Variants in LCK observed in about 807,000 individuals in gnomAD.
LCK encodes the protein LCK proto-oncogene, Src family tyrosine kinase.
Under a neutral mutation model 64.6 loss-of-function variants are expected in LCK, and 14 were observed. The ratio of observed to expected loss-of-function variants is 0.22; its 90% CI spans 0.14 to 0.34. LCK has a LOEUF of 0.34. LCK is among the 10% of genes least tolerant of loss of function. The probability of loss-of-function intolerance (pLI) is 1.00; values close to 1 mark genes in which losing one functional copy is unlikely to be tolerated. For synonymous variants in LCK, 277 were observed against 263.6 expected (o/e 1.05, Z -0.49); for missense variants, 434 against 668.1 (o/e 0.65, Z 3.86).
At chr1:32,269,049 C>T (rs1249138631) in intron 1 of LCK, among the ~76,000 whole-genome samples, 15 of 147,490 alleles carry the variant, frequency 1.0e-4, no homozygotes, top group Admixed American at 4.2e-4. Context: ...GGAGGAGAGA[C>T]AGAGCTTGCA....
intron 1 of LCK, among the ~76,000 whole-genome samples, chr1:32,272,981 TG>T (rs1557581807): frequency 1.5e-5 from 2 of 137,006 alleles, no homozygotes; most frequent in East Asian, 2.3e-4. Flanking sequence ...TGCGTGTGTG[TG>T]GGGGTGAATG....
intron 12 of LCK, among the ~76,000 whole-genome samples, chr1:32,284,213 C>T (rs1391849566): frequency 3.3e-5 from 5 of 149,874 alleles, no homozygotes; most frequent in African/African-American, 7.4e-5. Flanking sequence ...ATCTCCGATC[C>T]AGACTTTCTG....
At chr1:32,257,288 G>A (rs559307027) in intron 1 of LCK, among the ~76,000 whole-genome samples, 2 of 148,310 alleles carry the variant, frequency 1.3e-5, no homozygotes, top group Admixed American at 6.8e-5. Flanking sequence ...TTGCTCTGTC[G>A]CCTAGGCTGG....
chr1:32,276,085 C>T lies in LCK; in HGVS notation c.631+22C>T, dbSNP rs1640259135. On this transcript the variant is annotated intron_variant, in intron 7 of 12. Coordinates refer to ENST00000336890, the MANE Select transcript of LCK (RefSeq NM_005356.5). This position sits in a 1 kb window ranked among gnomAD's most constrained non-coding sequence, Gnocchi z 4.6. ...ACCAGTGAGCCCGACGGGACCCCTC[C>T]CCCGTGCCCTATCAGCCTATCTCCC... is the stretch of plus-strand genomic sequence containing the variant. 6.2e-7 allele frequency: 1 copy of T among 1,613,282 alleles called. No individual in the cohort carries two copies. The highest frequency in any genetic ancestry group is 2.2e-5 in the East Asian group (1 of 44,858).
chr1:32,258,803 CA>C (rs58703501), intron 1 of LCK, among the ~76,000 whole-genome samples: 7,969 of 60,772 alleles, frequency 0.13, 349 homozygotes, highest in East Asian at 0.32. Flanking sequence ...GACTCCGTCT[CA>C]AAAAAAAAAA....
At chr1:32,281,716 A>C (rs1243079406) in intron 12 of LCK, among the ~76,000 whole-genome samples, 1 of 152,066 alleles carries the variant, frequency 6.6e-6, no homozygotes, top group African/African-American at 2.4e-5. Flanking sequence ...GATTTGTAGA[A>C]GCTTCCCATA....
intron 12 of LCK, among the ~76,000 whole-genome samples, chr1:32,280,939 G>C (rs540810794): frequency 6.6e-6 from 1 of 152,090 alleles, no homozygotes; most frequent in Non-Finnish European, 1.5e-5. Flanking sequence ...TCAGTTTCCT[G>C]ATACTAAAAA....
At chr1:32,281,617 A>G (rs1640462471) in intron 12 of LCK, among the ~76,000 whole-genome samples, 1 of 152,100 alleles carries the variant, frequency 6.6e-6, no homozygotes, top group Non-Finnish European at 1.5e-5. Context: ...ACAGGGATGG[A>G]ATTTTTGAAA....
chr1:32,257,571 T>G (rs1410731092), intron 1 of LCK, among the ~76,000 whole-genome samples: 1 of 151,976 alleles, frequency 6.6e-6, no homozygotes. Context: ...TGCCAGCAAG[T>G]GATTGGGAGA....
chr1:32,258,415 C>CTGTA (rs1639679993), intron 1 of LCK, among the ~76,000 whole-genome samples: 1 of 149,532 alleles, frequency 6.7e-6, no homozygotes, highest in African/African-American at 2.5e-5. Context: ...TTGCAGTGAG[C>CTGTA]TACAATCATG....
intron 1 of LCK, among the ~76,000 whole-genome samples, chr1:32,268,267 T>A (rs2124334476): frequency 6.6e-6 from 1 of 152,146 alleles, no homozygotes; most frequent in South Asian, 2.1e-4. Flanking sequence ...CCTGGCAGTA[T>A]GTTGGGCTTC....
chr1:32,266,391 G>T (rs1428870167), intron 1 of LCK, among the ~76,000 whole-genome samples: 1 of 150,298 alleles, frequency 6.7e-6, no homozygotes, highest in South Asian at 2.1e-4. Flanking sequence ...CCAGCTACTC[G>T]GGAGGCTGAG....
rs1553152409 is a variant in LCK, at chr1:32,263,442, T to TAAATA, written c.-5-10879_-5-10875dup. 6.6e-3 allele frequency among the ~76,000 whole-genome samples: 799 copies of TAAATA among 120,240 alleles called. 7 individuals carry two copies. The highest frequency in any genetic ancestry group is 0.03 in the African/African-American group (769 of 25,420). The allele number at this position is 120,240 out of a possible 152,430, so 78.9% of individuals were successfully genotyped here. A position where few individuals can be genotyped will look rare whatever the true frequency, so the allele number is the denominator to read the frequency against. On this transcript the variant is annotated intron_variant, in intron 1 of 12. Transcript: ENST00000336890. ...ATAAATAAATAAATAAATAAATAAA[T>TAAATA]AAATAAAAATTAGACTGGGCATGGT...
chr1:32,266,689 C>T (rs1639924501), intron 1 of LCK, among the ~76,000 whole-genome samples: 1 of 71,148 alleles, frequency 1.4e-5, no homozygotes, highest in Non-Finnish European at 2.9e-5. Flanking sequence ...TCCCCTTCCC[C>T]CTCCTCCCCA....
chr1:32,261,763 C>T (rs534045411), intron 1 of LCK, among the ~76,000 whole-genome samples: 1 of 150,718 alleles, frequency 6.6e-6, no homozygotes, highest in Non-Finnish European at 1.5e-5. Flanking sequence ...ACCAGCCTGA[C>T]CAACATGGTG....
Position 32,276,528 on chromosome 1 carries a change from C to T in LCK, c.784+39C>T, listed in dbSNP as rs1228405328. On this transcript the variant is annotated intron_variant, in intron 8 of 12. Coordinates refer to ENST00000336890, the MANE Select transcript of LCK (RefSeq NM_005356.5). The surrounding 1 kb of genome is among the most constrained non-coding windows in gnomAD (Gnocchi z 4.6). ...CCAGGACTGCCTGGGAAGAGGGGAA[C>T]GGGAGGGGCCGCTGAGGTGATGAGA... is the stretch of plus-strand genomic sequence containing the variant. The T allele has an allele frequency of 2.5e-6, 4 of 1,587,818 alleles. No individual in the cohort carries two copies. Among genetic ancestry groups the T allele is most frequent in the South Asian group, 1.1e-5 (1 of 87,136 alleles).
chr1:32,272,784 G>A (rs545897488), intron 1 of LCK, among the ~76,000 whole-genome samples: 72 of 150,948 alleles, frequency 4.8e-4, no homozygotes, highest in Admixed American at 2.7e-3. Context: ...GTGTGGGGGT[G>A]CCTGTGTGTG....
At chr1:32,255,170 C>G (rs1639599714) in intron 1 of LCK, among the ~76,000 whole-genome samples, 1 of 152,144 alleles carries the variant, frequency 6.6e-6, no homozygotes, top group Non-Finnish European at 1.5e-5. Context: ...AGTCTAGTCT[C>G]TGCAGGCTGG....
Position 32,276,544 on chromosome 1 carries a change from G to T in LCK, c.784+55G>T. The T allele has an allele frequency of 6.3e-7, 1 of 1,586,546 alleles. No individual in the cohort carries two copies. The highest frequency in any genetic ancestry group is 1.2e-5 in the South Asian group (1 of 86,880). On this transcript the variant is annotated intron_variant, in intron 8 of 12. Transcript: ENST00000336890. The surrounding 1 kb of genome is among the most constrained non-coding windows in gnomAD (Gnocchi z 4.6). ...AGAGGGGAACGGGAGGGGCCGCTGA[G>T]GTGATGAGAGTCCCAGGACAGCTGC... is the stretch of plus-strand genomic sequence containing the variant.
Sources: allele counts gnomAD v4.1 joint callset (sites outside exome capture counted in the v4.1 genomes callset), GRCh38; gene constraint gnomAD v4.1.1; non-coding constraint Gnocchi (gnomAD v3.1); transcripts MANE v1.5; gene names NCBI Gene and HGNC (gene_info 2026-07-23, HGNC 2026-07-21).